Variants in RBFOX1 observed in about 807,000 individuals in gnomAD.
RBFOX1 encodes the protein RNA binding protein fox-1 homolog 1.
Under a neutral mutation model 57.7 loss-of-function variants are expected in RBFOX1, and 8 were observed. That is an observed-to-expected ratio of 0.14 (90% CI 0.08 to 0.25). The LOEUF (loss-of-function observed/expected upper bound fraction) is 0.25, where lower values mean the gene tolerates loss of function less well. Ranked by LOEUF, RBFOX1 falls within the 10% of genes least tolerant of loss-of-function variation. The pLI is 1.00. For missense variants in RBFOX1, 611 were observed against 548.5 expected (o/e 1.11, Z -1.14); for synonymous variants, 326 against 222.4 (o/e 1.47, Z -4.15).
intron 3 of RBFOX1, among the ~76,000 whole-genome samples, chr16:6,660,216 C>G (rs1239424082): frequency 7.0e-6 from 1 of 143,482 alleles, no homozygotes; most frequent in Non-Finnish European, 1.5e-5. Context: ...AAGAGTGAGA[C>G]TTCATCTTAA....
chr16:6,178,273 GTCTCCCAGGT>G (rs1160959913), intron 1 of RBFOX1, among the ~76,000 whole-genome samples: 1 of 126,218 alleles, frequency 7.9e-6, no homozygotes, highest in African/African-American at 3.1e-5. Flanking sequence ...TGCAACCTCT[GTCTCCCAGGT>G]TCAAGTGATT....
At chr16:6,423,463 A>T (rs2093832657) in intron 2 of RBFOX1, among the ~76,000 whole-genome samples, 1 of 152,022 alleles carries the variant, frequency 6.6e-6, no homozygotes, top group African/African-American at 2.4e-5. Flanking sequence ...ACCAGGTTTG[A>T]TGGTGCATGT....
At chr16:7,416,825 G>A (rs2098482467) in intron 4 of RBFOX1, among the ~76,000 whole-genome samples, 1 of 151,992 alleles carries the variant, frequency 6.6e-6, no homozygotes, top group Admixed American at 6.5e-5. Flanking sequence ...CCTACTAAAT[G>A]CCAAGGTTTG....
chr16:7,427,845 G>C (rs551465488), intron 4 of RBFOX1, among the ~76,000 whole-genome samples: 33 of 151,948 alleles, frequency 2.2e-4, no homozygotes, highest in Admixed American at 3.9e-4. Context: ...GTAGAGATGG[G>C]GTTTGAACAT....
chr16:6,679,429 T>G (rs1486729782), intron 3 of RBFOX1, among the ~76,000 whole-genome samples: 1 of 152,092 alleles, frequency 6.6e-6, no homozygotes, highest in Non-Finnish European at 1.5e-5. Flanking sequence ...CAGACATCAT[T>G]GCAGTGCCTC....
chr16:7,659,799 T>C lies in RBFOX1; in HGVS notation c.891-5130T>C, dbSNP rs141641836. ...ACAGCCTCTGAATAGCATGAACTTATAGACAAACATGATGAATAAGTGGTC... is the reference window on the plus strand; with the variant it reads ...ACAGCCTCTGAATAGCATGAACTTACAGACAAACATGATGAATAAGTGGTC... On this transcript the variant is annotated intron_variant, in intron 12 of 15. Coordinates refer to ENST00000550418, the MANE Select transcript of RBFOX1 (RefSeq NM_018723.4). 1.9e-3 allele frequency among the ~76,000 whole-genome samples: 295 copies of C among 152,310 alleles called. 5 individuals are homozygous for C. The highest frequency in any genetic ancestry group is 6.6e-3 in the African/African-American group (273 of 41,554).
At chr16:7,092,867 C>T (rs985076656) in intron 4 of RBFOX1, among the ~76,000 whole-genome samples, 1 of 152,196 alleles carries the variant, frequency 6.6e-6, no homozygotes, top group Admixed American at 6.5e-5. Flanking sequence ...TCCGCCTTTT[C>T]ACAGTGATTC....
intron 4 of RBFOX1, among the ~76,000 whole-genome samples, chr16:6,000,203 G>C (rs912141258): frequency 3.3e-5 from 5 of 152,126 alleles, no homozygotes; most frequent in African/African-American, 7.2e-5. Context: ...GCAGTACCTG[G>C]ACAAGATCCC....
intron 10 of RBFOX1, among the ~76,000 whole-genome samples, chr16:7,610,576 C>T (rs2057292172): frequency 6.6e-6 from 1 of 152,186 alleles, no homozygotes; most frequent in Non-Finnish European, 1.5e-5. Flanking sequence ...CATGCTGCCA[C>T]TATCCGGATT....
intron 1 of RBFOX1, among the ~76,000 whole-genome samples, chr16:6,196,899 C>T (rs976317780): frequency 2.0e-5 from 3 of 151,962 alleles, no homozygotes; most frequent in African/African-American, 7.3e-5. Flanking sequence ...TGTCCGCTGC[C>T]TACACTGGAT....
At chr16:6,551,788 C>T (rs534494889) in intron 2 of RBFOX1, among the ~76,000 whole-genome samples, 19 of 152,296 alleles carry the variant, frequency 1.2e-4, no homozygotes, top group African/African-American at 3.6e-4. Context: ...CCAACCGGGA[C>T]GTCAGAGCTA....
intron 4 of RBFOX1, among the ~76,000 whole-genome samples, chr16:7,467,116 C>G (rs1263492888): frequency 6.6e-6 from 1 of 152,168 alleles, no homozygotes. Context: ...ATAAGTAACA[C>G]AAGCATCTAA....
intron 3 of RBFOX1, among the ~76,000 whole-genome samples, chr16:5,668,412 C>T (rs147457172): frequency 3.3e-5 from 5 of 152,240 alleles, no homozygotes; most frequent in African/African-American, 1.2e-4. Context: ...GCTTTAGAAA[C>T]CTGTGAGAAA....
rs186385031 is a variant in RBFOX1, at chr16:7,470,251, T to C, written c.28-47896T>C. On this transcript the variant is annotated intron_variant, in intron 4 of 15. Transcript: ENST00000550418. Reference sequence around the variant, plus strand: ...ATAAGAGCTGATTTCTGTGTCTGCCTCTCACACTAGACTTCCACATCCTTA... The same window carrying C: ...ATAAGAGCTGATTTCTGTGTCTGCCCCTCACACTAGACTTCCACATCCTTA... Among the ~76,000 whole-genome samples, 553 of 152,338 alleles carry C rather than the reference T, an allele frequency of 3.6e-3. 7 individuals carry two copies. The highest frequency in any genetic ancestry group is 1.2e-3 in the Non-Finnish European group (81 of 68,040).
At chr16:6,948,633 T>C (rs1359567645) in intron 3 of RBFOX1, among the ~76,000 whole-genome samples, 1 of 151,970 alleles carries the variant, frequency 6.6e-6, no homozygotes, top group East Asian at 1.9e-4. Flanking sequence ...CTGCTCGCCT[T>C]GGCCTCCCAA....
At chr16:5,843,553 A>G (rs11076975) in intron 3 of RBFOX1, among the ~76,000 whole-genome samples, 150,926 of 152,286 alleles carry the variant, frequency 0.99, 74,791 homozygotes, top group Middle Eastern at 1. Context: ...CTCTGCCATT[A>G]ATGGGCATTT....
At chr16:6,989,740 C>G (rs186702976) in intron 3 of RBFOX1, among the ~76,000 whole-genome samples, 4 of 152,126 alleles carry the variant, frequency 2.6e-5, no homozygotes, top group African/African-American at 4.8e-5. Context: ...TGGCTCACAC[C>G]TGTAATTCCA....
At chr16:6,014,596 C>G (rs1431700608), upstream of RBFOX1, among the ~76,000 whole-genome samples, 4 of 152,268 alleles carry the variant, frequency 2.6e-5, no homozygotes, top group South Asian at 4.1e-4. Context: ...ATATAAGGTG[C>G]AATCCATTCC....
chr16:7,510,512 G>GTGT (rs1555532568), intron 4 of RBFOX1, among the ~76,000 whole-genome samples: 51 of 130,224 alleles, frequency 3.9e-4, no homozygotes, highest in East Asian at 2.4e-3. Context: ...TGTGTGTGTG[G>GTGT]GCGCGCGCGC....
Sources: gnomAD v4.1 joint callset for allele counts (sites outside exome capture counted in the v4.1 genomes callset) on GRCh38, gnomAD v4.1.1 for gene constraint, MANE v1.5 for transcripts, NCBI Gene and HGNC (gene_info 2026-07-23, HGNC 2026-07-21) for gene names.